Variants in ACTA2 observed in about 807,000 individuals in gnomAD.
ACTA2 encodes actin alpha 2, smooth muscle.
Under a neutral mutation model 39.5 loss-of-function variants are expected in ACTA2, and 12 were observed. That is an observed-to-expected ratio of 0.30 (90% confidence interval 0.19 to 0.49). The LOEUF (loss-of-function observed/expected upper bound fraction) is 0.49, where lower values mean the gene tolerates loss of function less well. ACTA2 is among the 20% of genes least tolerant of loss of function. The pLI is 0.99. For synonymous variants in ACTA2, 158 were observed against 180.6 expected (o/e 0.88, Z 1.00); for missense variants, 236 against 498.8 (o/e 0.47, Z 5.02).
At position 88,943,824 on chromosome 10, in the gene ACTA2, G is replaced by C; in HGVS notation, c.342C>G (p.Pro114=). The C allele has an allele frequency of 6.2e-7, 1 of 1,614,030 alleles. No individual in the cohort carries two copies. Among genetic ancestry groups the C allele is most frequent in the South Asian group, 1.1e-5 (1 of 91,078 alleles). Residue 114 remains proline (P), a synonymous_variant, in exon 4 of 9, where the codon CCC becomes CCG. Transcript: ENST00000224784. ...PTLLTEAPLN[P]KANREKMTQI... Reference sequence around the variant, plus strand: ...GAGTCATTTTCTCCCGGTTGGCCTTGGGGTTCAGGGGTGCCTCCGTGAGCA... The same window carrying C: ...GAGTCATTTTCTCCCGGTTGGCCTTCGGGTTCAGGGGTGCCTCCGTGAGCA...
rs1158453278 is a variant in ACTA2, at chr10:88,990,780, C to T, written c.-24+159G>A. On this transcript the variant is annotated intron_variant, in intron 1 of 4. Coordinates refer to the ACTA2 transcript ENST00000415557. This position sits in a 1 kb window ranked among gnomAD's most constrained non-coding sequence, Gnocchi z 4.9. ...GAACACACCCTGAGGCCAGCCCTGG[C>T]TGCCCAGGCGGAGCTGCCTCTTCTC... 2.0e-6 allele frequency: 3 copies of T among 1,531,684 alleles called. No individual in the cohort carries two copies. Among genetic ancestry groups the T allele is most frequent in the African/African-American group, 1.4e-5 (1 of 73,246 alleles). 94.9% of individuals were successfully genotyped at this position (1,531,684 alleles called of 1,614,324 possible). A position where few individuals can be genotyped will look rare whatever the true frequency, so the allele number is the denominator to read the frequency against.
chr10:88,969,055 A>G (rs1020937600), intron 1 of ACTA2, among the ~76,000 whole-genome samples: 1 of 152,156 alleles, frequency 6.6e-6, no homozygotes, highest in Non-Finnish European at 1.5e-5. Context: ...GGGTCTGGAA[A>G]GCTGTTATCT....
In ACTA2 at chr10:88,990,923, C is replaced by G; in HGVS notation, c.-24+16G>C. On this transcript the variant is annotated intron_variant, in intron 1 of 4. Transcript: ENST00000415557. The surrounding 1 kb of genome is among the most constrained non-coding windows in gnomAD (Gnocchi z 4.9). ...CTACCTCTGGTGAGCCCTCTCCTGC[C>G]CGGGTGGAGGCTTACCCCGTCTTAG... 3 of 1,614,170 alleles carry G rather than the reference C, an allele frequency of 1.9e-6. No individual in the cohort carries two copies. The highest frequency in any genetic ancestry group is 2.5e-6 in the Non-Finnish European group (3 of 1,180,020).
upstream of ACTA2, among the ~76,000 whole-genome samples, chr10:88,957,456 G>C (rs1417785914): frequency 6.6e-6 from 1 of 152,146 alleles, no homozygotes; most frequent in Non-Finnish European, 1.5e-5. Context: ...TCCTGGAAAA[G>C]AAGGAAAATA....
chr10:88,941,466 C>T lies in ACTA2; in HGVS notation c.455-76G>A, dbSNP rs913872906. ...ACTTGCTGGACAAGTAGAGGGAAGC[C>T]TTGGGGGAGAGGGAATTTCCGAGCC... On this transcript the variant is annotated intron_variant, in intron 5 of 8. Transcript: ENST00000224784. 3.8e-6 allele frequency: 6 copies of T among 1,580,920 alleles called. No homozygotes were observed. In the African/African-American group the frequency reaches 8.1e-5, roughly 21 times the overall value.
intron 1 of ACTA2, among the ~76,000 whole-genome samples, chr10:88,952,088 T>C (rs1387026596): frequency 6.6e-6 from 1 of 152,236 alleles, no homozygotes; most frequent in African/African-American, 2.4e-5. Context: ...GCAGGTCACC[T>C]GCTGCGCTCT....
intron 6 of ACTA2, chr10:88,940,179 G>A (rs1350886443): frequency 4.4e-6 from 1 of 228,362 alleles, no homozygotes; most frequent in East Asian, 1.1e-4. Context: ...GTGGATAGCA[G>A]GTTAAACCTT....
Position 88,948,859 on chromosome 10 carries a change from A to G in ACTA2, c.72T>C (p.Ala24=), listed in dbSNP as rs773996169. ...AAACAGCCCTGGGAGCATCGTCCCCAGCAAAGCCGGCCTTACAGAGCCCAG... is the reference window on the plus strand; with the variant it reads ...AAACAGCCCTGGGAGCATCGTCCCCGGCAAAGCCGGCCTTACAGAGCCCAG... ...NGSGLCKAGF[A]GDDAPRAVFP... is the part of the protein sequence containing the mutation. Residue 24 remains alanine (A), a synonymous_variant, in exon 2 of 9, where the codon GCT becomes GCC. Coordinates refer to ENST00000224784, the MANE Select transcript of ACTA2 (RefSeq NM_001613.4). 14 of 1,614,036 alleles carry G rather than the reference A, an allele frequency of 8.7e-6. No individual in the cohort carries two copies. In the South Asian group the frequency reaches 1.5e-4, roughly 18 times the overall value.
intron 3 of ACTA2, among the ~76,000 whole-genome samples, chr10:88,944,326 A>C (rs1227558952): frequency 6.6e-6 from 1 of 152,194 alleles, no homozygotes; most frequent in Non-Finnish European, 1.5e-5. Context: ...CTTTGTGTAA[A>C]TAAATAAGGT....
intron 1 of ACTA2, among the ~76,000 whole-genome samples, chr10:88,976,079 T>C (rs1233759397): frequency 2.0e-5 from 3 of 152,212 alleles, no homozygotes; most frequent in Non-Finnish European, 2.9e-5. Context: ...CAATTAGTTA[T>C]AGTGATAATA....
At chr10:88,941,711 A>C in intron 5 of ACTA2, 74 bp downstream of exon 5, 1 of 1,328,742 alleles carries the variant, frequency 7.5e-7, no homozygotes, top group Non-Finnish European at 1.1e-6. Context: ...CGTCACCCCC[A>C]CGTGTTAACG....
chr10:88,956,741 C>T (rs1312980578), upstream of ACTA2, among the ~76,000 whole-genome samples: 1 of 152,236 alleles, frequency 6.6e-6, no homozygotes, highest in African/African-American at 2.4e-5. Flanking sequence ...GTACTTACTA[C>T]ACTTAAATAA....
At chr10:88,962,070 A>G (rs1846234146) in intron 1 of ACTA2, among the ~76,000 whole-genome samples, 6 of 152,178 alleles carry the variant, frequency 3.9e-5, no homozygotes, top group Admixed American at 3.3e-4. Flanking sequence ...GAAAAGGCCA[A>G]GTGGTACTTC....
At chr10:88,943,728 T>G in intron 4 of ACTA2, 69 bp downstream of exon 4, 1 of 1,332,808 alleles carries the variant, frequency 7.5e-7, no homozygotes, top group Non-Finnish European at 1.1e-6. Context: ...TCTGCTGTGC[T>G]GCATAGCCTC....
intron 1 of ACTA2, among the ~76,000 whole-genome samples, chr10:88,985,625 C>T (rs1197486594): frequency 6.6e-6 from 1 of 152,206 alleles, no homozygotes; most frequent in Non-Finnish European, 1.5e-5. Context: ...CAGGGAAAGG[C>T]TGGTGCCCTG....
At chr10:88,991,277 G>C (rs1847189854) in exon 1 of ACTA2, 1 of 430,396 alleles carries the variant, frequency 2.3e-6, no homozygotes, top group Admixed American at 3.7e-5. Context: ...CGCTGGAGGG[G>C]GACCCCGGTT....
chr10:88,945,362 T>G (rs1845926414), intron 3 of ACTA2, among the ~76,000 whole-genome samples: 2 of 152,264 alleles, frequency 1.3e-5, no homozygotes, highest in African/African-American at 4.8e-5. Flanking sequence ...GGAGCATTAC[T>G]GCTGATAAAT....
intron 1 of ACTA2, chr10:88,989,711 T>G (rs377452288): frequency 2.0e-5 from 8 of 390,574 alleles, no homozygotes; most frequent in African/African-American, 1.5e-4. Flanking sequence ...GGATGAACAG[T>G]GGGCTAAGCA....
chr10:88,953,446 C>A (rs990883863), upstream of ACTA2, among the ~76,000 whole-genome samples: 1 of 152,262 alleles, frequency 6.6e-6, no homozygotes, highest in East Asian at 1.9e-4. Flanking sequence ...GCTTTGTCTA[C>A]TAATTTGTCA....
Sources: gnomAD v4.1 joint callset for allele counts (sites outside exome capture counted in the v4.1 genomes callset) on GRCh38, gnomAD v4.1.1 for gene constraint, Gnocchi (gnomAD v3.1) non-coding constraint, MANE v1.5 for transcripts, NCBI Gene and HGNC (gene_info 2026-07-23, HGNC 2026-07-21) for gene names.